Variants in ATP8B4 observed in about 807,000 individuals in gnomAD.
The protein encoded by ATP8B4 is ATPase phospholipid transporting 8B4 (putative).
Under a neutral mutation model 145.6 loss-of-function variants are expected in ATP8B4, and 133 were observed. The ratio of observed to expected loss-of-function variants is 0.91; its 90% confidence interval spans 0.79 to 1.05. The LOEUF (loss-of-function observed/expected upper bound fraction) is 1.05. ATP8B4 is among the 50% of genes least tolerant of loss of function. ATP8B4 has a pLI of 0.00. For missense variants in ATP8B4, 1,458 were observed against 1,425.2 expected, an observed-to-expected ratio of 1.02 and a Z score of -0.37; for synonymous variants, 507 against 492.9, an observed-to-expected ratio of 1.03 and a Z score of -0.38.
At chr15:49,932,437 A>G (rs565741709) in intron 15 of ATP8B4, among the ~76,000 whole-genome samples, 1 of 152,166 alleles carries the variant, frequency 6.6e-6, no homozygotes, top group Non-Finnish European at 1.5e-5. Context: ...TGAAATTCAC[A>G]AAAGGAAAAA....
chr15:50,140,287 G>C (rs920930514), intron 1 of ATP8B4, among the ~76,000 whole-genome samples: 22 of 152,136 alleles, frequency 1.4e-4, no homozygotes, highest in Admixed American at 6.6e-4. Flanking sequence ...TTTCCAAGAA[G>C]CAAAGCCTAG....
intron 9 of ATP8B4, among the ~76,000 whole-genome samples, chr15:49,990,882 G>A (rs751048172): frequency 3.3e-5 from 5 of 152,060 alleles, no homozygotes; most frequent in African/African-American, 4.8e-5. Flanking sequence ...TTTTTTTAGC[G>A]TTTTAGAGAT....
intron 10 of ATP8B4, among the ~76,000 whole-genome samples, chr15:49,982,794 C>T (rs1168127804): frequency 6.6e-6 from 1 of 152,160 alleles, no homozygotes; most frequent in Non-Finnish European, 1.5e-5. Context: ...GTTTTCTTAT[C>T]TCCCACTCGT....
intron 14 of ATP8B4, among the ~76,000 whole-genome samples, chr15:49,957,826 T>G (rs555337222): frequency 6.6e-6 from 1 of 151,866 alleles, no homozygotes; most frequent in Non-Finnish European, 1.5e-5. Context: ...ACACTTTAAT[T>G]AGCTTCTTCA....
At chr15:50,000,682 T>G (rs1468298471) in intron 8 of ATP8B4, among the ~76,000 whole-genome samples, 1 of 152,176 alleles carries the variant, frequency 6.6e-6, no homozygotes, top group African/African-American at 2.4e-5. Flanking sequence ...CAGGAACTTC[T>G]GTGGAACAAA....
intron 7 of ATP8B4, among the ~76,000 whole-genome samples, chr15:50,010,283 T>C (rs1053949999): frequency 6.6e-6 from 1 of 152,130 alleles, no homozygotes. Context: ...CCTTGAATTT[T>C]ATTAAGGAAA....
At chr15:49,977,732 T>C (rs1441808663) in intron 12 of ATP8B4, among the ~76,000 whole-genome samples, 1 of 152,152 alleles carries the variant, frequency 6.6e-6, no homozygotes, top group East Asian at 1.9e-4. Context: ...TAAGAAAGAA[T>C]GCATAAGAAA....
intron 3 of ATP8B4, among the ~76,000 whole-genome samples, chr15:50,067,500 G>T (rs1359880755): frequency 1.3e-5 from 2 of 152,134 alleles, no homozygotes; most frequent in Middle Eastern, 3.4e-3. Flanking sequence ...ACTTCCTCTG[G>T]CAAAACTTCC....
intron 1 of ATP8B4, among the ~76,000 whole-genome samples, chr15:50,138,333 GA>G (rs1567402959): frequency 4.8e-3 from 183 of 38,016 alleles, no homozygotes; most frequent in Non-Finnish European, 0.014. Flanking sequence ...TAGGTAGATA[GA>G]TAGATAGATA....
chr15:49,883,242 G>A (rs2035702213), intron 23 of ATP8B4: 1 of 152,014 alleles, frequency 6.6e-6, no homozygotes, highest in Non-Finnish European at 1.5e-5. Flanking sequence ...GAAAGAATCT[G>A]AGAAATTATG....
intron 2 of ATP8B4, among the ~76,000 whole-genome samples, chr15:50,086,560 A>ATC (rs1395689588): frequency 9.6e-6 from 1 of 104,206 alleles, no homozygotes; most frequent in Non-Finnish European, 1.7e-5. Flanking sequence ...TAATATAGAG[A>ATC]TCTATATTTA....
chr15:49,938,541 T>A (rs2041917846), intron 14 of ATP8B4, among the ~76,000 whole-genome samples: 1 of 151,976 alleles, frequency 6.6e-6, no homozygotes, highest in South Asian at 2.1e-4. Flanking sequence ...GGGATATAAC[T>A]CAACCAGAAG....
intron 14 of ATP8B4, among the ~76,000 whole-genome samples, chr15:49,947,883 T>A (rs1487483875): frequency 7.7e-6 from 1 of 129,902 alleles, no homozygotes; most frequent in Non-Finnish European, 1.7e-5. Context: ...GAAAGGATAG[T>A]CTTTTCAACA....
intron 7 of ATP8B4, among the ~76,000 whole-genome samples, chr15:50,003,699 T>C (rs1433226170): frequency 6.6e-6 from 1 of 152,152 alleles, no homozygotes; most frequent in African/African-American, 2.4e-5. Context: ...AGGCTCATGT[T>C]AAACAAAATC....
chr15:50,149,230 A>G (rs2044316171), intron 1 of ATP8B4, among the ~76,000 whole-genome samples: 1 of 152,230 alleles, frequency 6.6e-6, no homozygotes, highest in Non-Finnish European at 1.5e-5. Context: ...CGTAGTGCCC[A>G]GTATGTCCCT....
intron 1 of ATP8B4, among the ~76,000 whole-genome samples, chr15:50,176,598 G>A (rs2044766213): frequency 6.6e-6 from 1 of 151,954 alleles, no homozygotes; most frequent in East Asian, 1.9e-4. Context: ...ATTGTGACTG[G>A]GATGGAGAGT....
rs963497147 is a variant in ATP8B4 at position 49,958,647 on chromosome 15, G to A, written c.1287+3330C>T. On this transcript the variant is annotated intron_variant, in intron 14 of 27. Transcript: ENST00000284509. ...AAATATGAATTTAAAAGACTTATGAGTCTTTGTAAATAAATGTGAAAATAA... is the reference window on the plus strand; with the variant it reads ...AAATATGAATTTAAAAGACTTATGAATCTTTGTAAATAAATGTGAAAATAA... Among the ~76,000 whole-genome samples, 73 of 151,874 alleles carry A rather than the reference G, an allele frequency of 4.8e-4. 1 individual carries two copies. The highest frequency in any genetic ancestry group is 3.5e-3 in the Admixed American group (53 of 15,264).
intron 1 of ATP8B4, among the ~76,000 whole-genome samples, chr15:50,155,699 A>C (rs2044401847): frequency 6.6e-6 from 1 of 152,164 alleles, no homozygotes; most frequent in African/African-American, 2.4e-5. Flanking sequence ...ATGTATGTAC[A>C]TATGCATAAA....
intron 2 of ATP8B4, among the ~76,000 whole-genome samples, chr15:50,080,697 T>A (rs2054487604): frequency 6.6e-6 from 1 of 152,024 alleles, no homozygotes; most frequent in Non-Finnish European, 1.5e-5. Flanking sequence ...CCTCCTAAAG[T>A]GCTGGAATTA....
Sources: allele counts gnomAD v4.1 joint callset (sites outside exome capture counted in the v4.1 genomes callset), GRCh38; gene constraint gnomAD v4.1.1; transcripts MANE v1.5; gene names NCBI Gene and HGNC (gene_info 2026-07-23, HGNC 2026-07-21).